The following ZNF292 variants were observed in gnomAD, a reference collection of about 807,000 sequenced individuals.
ZNF292 encodes the protein zinc finger protein 292.
In ZNF292, 26 loss-of-function variants were observed where a neutral mutation model predicts 217.9. The ratio of observed to expected loss-of-function variants is 0.12; its 90% CI spans 0.09 to 0.17. The LOEUF is 0.17. Among genes scored for constraint, ZNF292 ranks in the 10% least tolerant of loss-of-function variants. The pLI is 1.00. For synonymous variants in ZNF292, 1,257 were observed against 1,124.1 expected (o/e 1.12, Z -2.37); for missense variants, 2,904 against 3,175.2 (o/e 0.91, Z 2.05).
At chr6:87,169,786 A>G in intron 1 of ZNF292, 3 of 387,742 alleles carry the variant, frequency 7.7e-6, no homozygotes, top group Non-Finnish European at 1.0e-5. Flanking sequence ...AGCTGGGACT[A>G]CAGATGTGCG....
intron 3 of ZNF292, 29 bp downstream of exon 3, chr6:87,216,406 C>A (rs1390536423): frequency 1.4e-5 from 20 of 1,476,120 alleles, no homozygotes; most frequent in Non-Finnish European, 1.8e-5. Flanking sequence ...AGATTTAATA[C>A]AGGTATATCT....
intron 1 of ZNF292, among the ~76,000 whole-genome samples, chr6:87,200,642 A>G (rs531620676): frequency 2.4e-4 from 37 of 152,346 alleles, no homozygotes; most frequent in East Asian, 1.4e-3. Context: ...GGGCCACACC[A>G]TGTCAGGCTA....
rs530614616 is a variant in ZNF292, at chr6:87,245,166, G to A, written c.879-337G>A. ...TGAGGCAGAAGAATCGCTTGAACCC[G>A]GGAGGCAAGGTTGCAGTGAGCCGAG... On this transcript the variant is annotated intron_variant, in intron 6 of 7. Coordinates refer to ENST00000369577, the MANE Select transcript of ZNF292 (RefSeq NM_015021.3). Among the ~76,000 whole-genome samples the A allele has an allele frequency of 2.2e-3, 340 of 152,148 alleles. 1 individual carries two copies. The highest frequency in any genetic ancestry group is 4.1e-3 in the Non-Finnish European group (282 of 67,998).
rs770909238 is a variant in ZNF292, at chr6:87,215,904, C to G, written c.170C>G (p.Thr57Arg). ...TTTTTATTATTCCTTCCAAAACAGA[C>G]ACTCCTAGAATATGCAGAGAAATGG... is the stretch of plus-strand genomic sequence containing the variant. ...ATDYCQQLCQ[T>R]LLEYAEKWKT... Residue 57 changes from threonine to arginine, a missense_variant and splice_region_variant, in exon 2 of 8, where the codon ACA becomes AGA. Physicochemically the swap from Thr to Arg is moderately conservative, Grantham distance 71. Coordinates refer to ENST00000369577, the MANE Select transcript of ZNF292 (RefSeq NM_015021.3). The G allele has an allele frequency of 6.3e-7, 1 of 1,576,472 alleles. No individual in the cohort carries two copies. Among genetic ancestry groups the G allele is most frequent in the Admixed American group, 2.0e-5 (1 of 51,226 alleles).
intron 1 of ZNF292, among the ~76,000 whole-genome samples, chr6:87,210,529 G>A (rs929250442): frequency 6.6e-6 from 1 of 151,978 alleles, no homozygotes; most frequent in African/African-American, 2.4e-5. Context: ...CTCCCTTAAA[G>A]AATGAGGTGA....
intron 1 of ZNF292, chr6:87,173,526 C>T (rs907856356): frequency 1.8e-5 from 3 of 164,058 alleles, no homozygotes; most frequent in Non-Finnish European, 2.7e-5. Context: ...TTTTTCTCCT[C>T]CTTTGGCTCA....
At chr6:87,169,582 T>C (rs370189244) in intron 1 of ZNF292, 38 of 331,472 alleles carry the variant, frequency 1.1e-4, no homozygotes, top group African/African-American at 7.4e-4. Context: ...ATTGAGAAAA[T>C]TATTTCCAGT....
chr6:87,165,507 C>G (rs139278056), intron 1 of ZNF292, among the ~76,000 whole-genome samples: 1 of 152,196 alleles, frequency 6.6e-6, no homozygotes, highest in African/African-American at 2.4e-5. Context: ...CAAAACCATA[C>G]TTATCTTTAC....
At chr6:87,159,144 G>T (rs976263257) in intron 1 of ZNF292, among the ~76,000 whole-genome samples, 1 of 152,194 alleles carries the variant, frequency 6.6e-6, no homozygotes, top group African/African-American at 2.4e-5. Context: ...TTATTTTTGA[G>T]TGAGGTAGAA....
intron 1 of ZNF292, among the ~76,000 whole-genome samples, chr6:87,186,010 A>G (rs1219287757): frequency 1.3e-5 from 2 of 152,122 alleles, no homozygotes; most frequent in Admixed American, 6.6e-5. Flanking sequence ...CCTAGGCATG[A>G]TTGATTACGT....
Position 87,258,772 on chromosome 6 carries a change from G to A in ZNF292, c.5143G>A (p.Val1715Met), listed in dbSNP as rs748527926. The A allele has an allele frequency of 4.3e-6, 7 of 1,613,554 alleles. 1 individual carries two copies. The South Asian group carries it at 7.7e-5, about 18-fold the overall frequency. ...CAAAACCAGTCTTGAGTCCCATACA[G>A]TGTTAGCCCCTTTAACATTAAAAAC... Reference protein sequence around the residue: ...NFKTSLESHTVLAPLTLKTEN... With the variant: ...NFKTSLESHTMLAPLTLKTEN... The change falls in exon 8 of 8, where the codon GTG becomes ATG. Residue 1715 changes from valine to methionine, a missense_variant. Val to Met is a conservative substitution (Grantham distance 21). This residue lies in a region of ZNF292 where 622 missense variants were observed against 573.1 expected (regional missense o/e 1.09). Coordinates refer to ENST00000369577, the MANE Select transcript of ZNF292 (RefSeq NM_015021.3).
chr6:87,164,760 CTCTTT>C (rs1445170029), intron 1 of ZNF292, among the ~76,000 whole-genome samples: 2 of 113,016 alleles, frequency 1.8e-5, no homozygotes, highest in Non-Finnish European at 3.3e-5. Context: ...GTGGAATGAC[CTCTTT>C]TTTTTTTTTT....
intron 1 of ZNF292, among the ~76,000 whole-genome samples, chr6:87,166,645 T>C (rs2127771278): frequency 1.3e-5 from 2 of 152,376 alleles, no homozygotes; most frequent in Admixed American, 1.3e-4. Flanking sequence ...CTTCTGTCAT[T>C]GACTATGTTA....
intron 5 of ZNF292, among the ~76,000 whole-genome samples, chr6:87,236,165 A>T (rs1342459593): frequency 1.3e-5 from 2 of 152,154 alleles, no homozygotes; most frequent in South Asian, 4.2e-4. Context: ...CACTTCATTA[A>T]TGTACGTTAC....
chr6:87,207,710 GTGTT>G (rs1254958066), intron 1 of ZNF292, among the ~76,000 whole-genome samples: 1 of 152,050 alleles, frequency 6.6e-6, no homozygotes, highest in African/African-American at 2.4e-5. Context: ...AATTTTCTGT[GTGTT>G]TATCACCAAT....
rs369163308 is a variant in ZNF292 at position 87,257,165 on chromosome 6, C to T, written c.3536C>T (p.Ala1179Val). Residue 1179 changes from alanine (A) to valine (V), a missense_variant, in exon 8 of 8, where the codon GCT becomes GTT. Ala to Val is a moderately conservative substitution (Grantham distance 64). Transcript: ENST00000369577. ...CAGACCAAAGCCAATGGGAATCCTG[C>T]TTGTTCGGCCCAGTTGCAGCATGTC... ...TSQTKANGNP[A>V]CSAQLQHVSP... The T allele has an allele frequency of 3.1e-6, 5 of 1,613,896 alleles. No individual in the cohort carries two copies. The highest frequency in any genetic ancestry group is 4.2e-6 in the Non-Finnish European group (5 of 1,179,844).
chr6:87,241,657 T>G (rs1233569996), intron 5 of ZNF292, among the ~76,000 whole-genome samples: 2 of 152,174 alleles, frequency 1.3e-5, no homozygotes, highest in Non-Finnish European at 2.9e-5. Flanking sequence ...TGACCTCAGG[T>G]GATCCACCCA....
At chr6:87,206,358 A>G (rs1416851745) in intron 1 of ZNF292, among the ~76,000 whole-genome samples, 3 of 152,062 alleles carry the variant, frequency 2.0e-5, no homozygotes, top group Non-Finnish European at 2.9e-5. Context: ...CAAACTCTTC[A>G]TAACAGAAAA....
intron 1 of ZNF292, among the ~76,000 whole-genome samples, chr6:87,210,039 T>A (rs1772416531): frequency 6.6e-6 from 1 of 152,220 alleles, no homozygotes; most frequent in Admixed American, 6.5e-5. Flanking sequence ...TTATTAAATG[T>A]AACACCCCCG....
Sources: gnomAD v4.1 joint callset for allele counts (sites outside exome capture counted in the v4.1 genomes callset) on GRCh38, gnomAD v4.1.1 for gene constraint, gnomAD v4.1.1 regional missense constraint, MANE v1.5 for transcripts, NCBI Gene and HGNC (gene_info 2026-07-23, HGNC 2026-07-21) for gene names.